MID2: variants seen among roughly 807,000 people sequenced by gnomAD.
MID2 encodes the protein midline 2.
A neutral mutation model predicts 46.1 loss-of-function variants in MID2; 13 were observed. That is an observed-to-expected ratio of 0.28 (90% CI 0.18 to 0.45). The LOEUF (loss-of-function observed/expected upper bound fraction) is 0.45. MID2 is among the 20% of genes least tolerant of loss of function. MID2 has a pLI of 1.00. For missense variants in MID2, 431 were observed against 575.4 expected, an observed-to-expected ratio of 0.75 and a Z score of 2.57; for synonymous variants, 199 against 212.3, an observed-to-expected ratio of 0.94 and a Z score of 0.55.
intron 2 of MID2, 44 bp from the exon 3 acceptor site, chrX:107,854,565 C>T (rs1395825694): frequency 1.0e-6 from 1 of 982,402 alleles, no homozygotes. Flanking sequence ...CTTTTTTCCC[C>T]TCTTCTCGGT....
intron 3 of MID2, among the ~76,000 whole-genome samples, chrX:107,900,813 C>T (rs1254456806): frequency 8.9e-6 from 1 of 112,238 alleles, no homozygotes; most frequent in Non-Finnish European, 1.9e-5. Context: ...TTATAGTCTA[C>T]ATCACCCATT....
At position 107,913,590 on chromosome X, in the gene MID2, C is replaced by T. The variant is rs367896419; in HGVS notation, c.1074-2412C>T. On this transcript the variant is annotated intron_variant, in intron 5 of 9. Transcript: ENST00000262843. ...TGCTGTCATTTGTTTGTAATTTAAACGCTATCTCATTTTAATTTACATTTC... is the reference window on the plus strand; with the variant it reads ...TGCTGTCATTTGTTTGTAATTTAAATGCTATCTCATTTTAATTTACATTTC... Among the ~76,000 whole-genome samples the T allele has an allele frequency of 1.7e-3, 193 of 111,994 alleles. 1 individual carries two copies. The highest frequency in any genetic ancestry group is 5.7e-3 in the African/African-American group (175 of 30,877).
chrX:107,903,973 C>A lies in MID2; in HGVS notation c.832C>A (p.His278Asn), dbSNP rs879044221. Reference sequence around the variant, plus strand: ...TTCTTGGCAGGTGAATACTGCTATGCATGAGGCAAAACTTATGGAAGAATG... The same window carrying A: ...TTCTTGGCAGGTGAATACTGCTATGAATGAGGCAAAACTTATGGAAGAATG... ...CQQVEVNTAMHEAKLMEECDE... is the reference protein window; with the variant it reads ...CQQVEVNTAMNEAKLMEECDE... Residue 278 changes from histidine (H) to asparagine (N), a missense_variant, in exon 4 of 10, where the codon CAT (histidine) becomes AAT (asparagine). Physicochemically the swap from His to Asn is moderately conservative, Grantham distance 68. Coordinates refer to ENST00000262843, the MANE Select transcript of MID2 (RefSeq NM_012216.4). 2 of 1,203,428 alleles carry A rather than the reference C, an allele frequency of 1.7e-6. No individual in the cohort carries two copies. Among genetic ancestry groups the A allele is most frequent in the Non-Finnish European group, 2.2e-6 (2 of 889,222 alleles).
At chrX:107,924,576 G>GGGGA in intron 8 of MID2, 72 bp downstream of exon 8, 1 of 1,064,379 alleles carries the variant, frequency 9.4e-7, no homozygotes, top group Non-Finnish European at 1.3e-6. Context: ...AGCCTGAGCA[G>GGGGA]GCACTCACAG....
chrX:107,856,894 T>C (rs1417624906), intron 3 of MID2, among the ~76,000 whole-genome samples: 1 of 112,253 alleles, frequency 8.9e-6, no homozygotes, highest in South Asian at 3.7e-4. Context: ...AATCCGATCA[T>C]GTAAGCCACT....
chrX:107,843,982 A>G (rs1398085804), intron 2 of MID2, among the ~76,000 whole-genome samples: 2 of 109,726 alleles, frequency 1.8e-5, no homozygotes. Context: ...TCCCCATACT[A>G]TCATTCTTCC....
In MID2 at chrX:107,927,962, G is replaced by T. The variant is rs1334764123; in HGVS notation, c.*889G>T. Among the ~76,000 whole-genome samples the T allele has an allele frequency of 1.8e-5, 2 of 111,415 alleles. No homozygotes were observed. Among genetic ancestry groups the T allele is most frequent in the Non-Finnish European group, 3.8e-5 (2 of 53,013 alleles). ...ACAAGATTGCACAAGAGATGCTGTTGCTGGATAGAAAATTGATCAGGTAGA... is the reference window on the plus strand; with the variant it reads ...ACAAGATTGCACAAGAGATGCTGTTTCTGGATAGAAAATTGATCAGGTAGA... On this transcript the variant is annotated 3_prime_UTR_variant, in exon 10 of 10. Coordinates refer to ENST00000262843, the MANE Select transcript of MID2 (RefSeq NM_012216.4).
At position 107,846,389 on chromosome X, in the gene MID2, G is replaced by A. The variant is rs566929231; in HGVS notation, c.720+5004G>A. On this transcript the variant is annotated intron_variant, in intron 2 of 9. Coordinates refer to ENST00000262843, the MANE Select transcript of MID2 (RefSeq NM_012216.4). ...TTTAAGGTCTGGTGGTAATGGTGGT[G>A]AACATGTGTGTGTGGGGTTGGGGAC... is the stretch of plus-strand genomic sequence containing the variant. Among the ~76,000 whole-genome samples the A allele has an allele frequency of 1.6e-4, 18 of 111,091 alleles. No homozygotes were observed. The South Asian group carries it at 7.1e-3, about 44-fold the overall frequency.
At chrX:107,851,697 G>A (rs1363192858) in intron 2 of MID2, among the ~76,000 whole-genome samples, 5 of 110,277 alleles carry the variant, frequency 4.5e-5, no homozygotes, top group African/African-American at 9.9e-5. Flanking sequence ...AACAAACAAA[G>A]AAACTACAAA....
At chrX:107,836,422 T>C (rs1197239045) in intron 1 of MID2, among the ~76,000 whole-genome samples, 1 of 111,245 alleles carries the variant, frequency 9.0e-6, no homozygotes, top group Non-Finnish European at 1.9e-5. Context: ...CCTGCTAATT[T>C]TTTGTATTTT....
At chrX:107,861,338 G>A (rs923933701) in intron 3 of MID2, among the ~76,000 whole-genome samples, 2 of 111,603 alleles carry the variant, frequency 1.8e-5, no homozygotes, top group Non-Finnish European at 3.8e-5. Flanking sequence ...GGAAATGCAG[G>A]GCTGGGCGCG....
rs1024153613 is a variant in MID2 at position 107,825,879 on chromosome X, G to A, written c.-548G>A. On this transcript the variant is annotated 5_prime_UTR_variant, in exon 1 of 10. Transcript: ENST00000262843. ...GTTTCTCCGGTCACTCCTGCCAGGG[G>A]AGAAGACATGTAAACGTGCCTCCAG... 3 of 254,623 alleles carry A rather than the reference G, an allele frequency of 1.2e-5. No homozygotes were observed. The highest frequency in any genetic ancestry group is 2.9e-5 in the African/African-American group (1 of 34,807). The allele number at this position is 254,623 out of a possible 1,213,427, so 21.0% of individuals were successfully genotyped here. A position where few individuals can be genotyped will look rare whatever the true frequency, so the allele number is the denominator to read the frequency against.
At chrX:107,910,834 TTTCC>T (rs1235328559) in intron 5 of MID2, among the ~76,000 whole-genome samples, 4 of 49,876 alleles carry the variant, frequency 8.0e-5, no homozygotes, top group East Asian at 4.7e-4. Flanking sequence ...TTTCCTTTCC[TTTCC>T]CTCTCTCTTT....
At chrX:107,915,923 T>C in intron 5 of MID2, 79 bp from the exon 6 acceptor site, 1 of 981,655 alleles carries the variant, frequency 1.0e-6, no homozygotes, top group Non-Finnish European at 1.4e-6. Context: ...TATTTTCTCC[T>C]TGTTAAACCA....
At chrX:107,845,363 C>CT (rs1280405623) in intron 2 of MID2, among the ~76,000 whole-genome samples, 1 of 111,538 alleles carries the variant, frequency 9.0e-6, no homozygotes, top group Non-Finnish European at 1.9e-5. Flanking sequence ...AGCACATTTT[C>CT]TTTTTCTCAT....
chrX:107,836,583 C>G (rs1459400194), intron 1 of MID2, among the ~76,000 whole-genome samples: 1 of 109,265 alleles, frequency 9.2e-6, no homozygotes, highest in Non-Finnish European at 1.9e-5. Flanking sequence ...ATGATAATAC[C>G]TACCTTTTAG....
At chrX:107,850,912 G>A (rs900331990) in intron 2 of MID2, among the ~76,000 whole-genome samples, 1 of 111,983 alleles carries the variant, frequency 8.9e-6, no homozygotes, top group Non-Finnish European at 1.9e-5. Context: ...GCAACAGGTT[G>A]AGGTACTTGT....
chrX:107,884,767 G>A (rs774000545), intron 3 of MID2, among the ~76,000 whole-genome samples: 2 of 112,546 alleles, frequency 1.8e-5, no homozygotes, highest in South Asian at 3.7e-4. Context: ...AGGATGCCCA[G>A]TTTGGTTGTA....
At chrX:107,877,338 A>G (rs1163802214) in intron 3 of MID2, among the ~76,000 whole-genome samples, 1 of 111,985 alleles carries the variant, frequency 8.9e-6, no homozygotes, top group Admixed American at 9.4e-5. Flanking sequence ...CCTCCAGAGT[A>G]TGAGGGTCAA....
Sources: allele counts gnomAD v4.1 joint callset (sites outside exome capture counted in the v4.1 genomes callset), GRCh38; gene constraint gnomAD v4.1.1; transcripts MANE v1.5; gene names NCBI Gene and HGNC (gene_info 2026-07-23, HGNC 2026-07-21).